The following FGFRL1 variants were observed in gnomAD, a reference collection of about 807,000 sequenced individuals.
The protein encoded by FGFRL1 is fibroblast growth factor receptor like 1.
Under a neutral mutation model 36.8 loss-of-function variants are expected in FGFRL1, and 24 were observed. The observed-to-expected ratio is 0.65, with a 90% CI of 0.47 to 0.92. The LOEUF (loss-of-function observed/expected upper bound fraction) is 0.92, where lower values mean the gene tolerates loss of function less well. Among genes scored for constraint, FGFRL1 ranks in the 40% least tolerant of loss-of-function variants. FGFRL1 has a pLI of 0.00. For missense variants in FGFRL1, 785 were observed against 753.4 expected (o/e 1.04, Z -0.49); for synonymous variants, 422 against 344.1 (o/e 1.23, Z -2.50).
At position 1,012,548 on chromosome 4, in the gene FGFRL1, GGCC is replaced by G. The variant is rs776508642; in HGVS notation, c.73_75del (p.Ala25del). 1.6e-5 allele frequency: 23 copies of G among 1,465,594 alleles called. No individual in the cohort carries two copies. In the Admixed American group the frequency reaches 2.8e-4, roughly 18 times the overall value. 90.8% of individuals were successfully genotyped at this position (1,465,594 alleles called of 1,614,324 possible). ...CGCTGCTGCTGGGGGCCTTCCCGCC[GGCC>G]GCCGCCGCCCGAGGTGAGTTCTGGC... On this transcript the variant is annotated inframe_deletion, in exon 2 of 7. Transcript: ENST00000510644.
intron 2 of FGFRL1, among the ~76,000 whole-genome samples, chr4:1,015,050 C>T: frequency 6.9e-5 from 1 of 14,550 alleles, no homozygotes; most frequent in South Asian, 1.3e-3. Context: ...GCCTCCAGCC[C>T]CTGGCTTGCC....
chr4:1,018,195 G>C (rs963185696), intron 2 of FGFRL1, among the ~76,000 whole-genome samples: 1 of 152,184 alleles, frequency 6.6e-6, no homozygotes, highest in Admixed American at 6.5e-5. Flanking sequence ...CCCAGGGCCT[G>C]CCCACCTCCA....
intron 2 of FGFRL1, among the ~76,000 whole-genome samples, chr4:1,018,638 CG>C (rs1716019347): frequency 6.6e-6 from 1 of 152,134 alleles, no homozygotes; most frequent in South Asian, 2.1e-4. Context: ...CATGCCCCGG[CG>C]GGGGTTCCCT....
Position 1,025,708 on chromosome 4 carries a change from A to C in FGFRL1, c.*361A>C. On this transcript the variant is annotated 3_prime_UTR_variant, in exon 7 of 7. Coordinates refer to ENST00000510644, the MANE Select transcript of FGFRL1 (RefSeq NM_001004356.3). The stretch of plus-strand genomic sequence containing the variant: ...TGCCTGAACATACACACGCACACCC[A>C]TGCGCAGATGTGCTGCCTGGACACA... 6 of 334,740 alleles carry C rather than the reference A, an allele frequency of 1.8e-5. No homozygotes were observed. Among genetic ancestry groups the C allele is most frequent in the Non-Finnish European group, 1.1e-5 (2 of 178,642 alleles). The allele number at this position is 334,740 out of a possible 1,614,324, so 20.7% of individuals were successfully genotyped here. A position where few individuals can be genotyped will look rare whatever the true frequency, so the allele number is the denominator to read the frequency against.
At chr4:1,018,560 G>C (rs1716014420) in intron 2 of FGFRL1, among the ~76,000 whole-genome samples, 1 of 152,204 alleles carries the variant, frequency 6.6e-6, no homozygotes, top group Admixed American at 6.5e-5. Flanking sequence ...CAGGGGCTGT[G>C]CTGGAGGAGG....
At chr4:1,021,458 CT>C (rs1026440498) in intron 2 of FGFRL1, among the ~76,000 whole-genome samples, 2 of 152,082 alleles carry the variant, frequency 1.3e-5, no homozygotes, top group African/African-American at 4.8e-5. Context: ...ACCCCAGGGC[CT>C]TGGGGTCATG....
At chr4:1,018,764 G>A (rs1389785882) in intron 2 of FGFRL1, among the ~76,000 whole-genome samples, 1 of 152,204 alleles carries the variant, frequency 6.6e-6, no homozygotes, top group African/African-American at 2.4e-5. Context: ...CGTCCAGGTG[G>A]CGTGGTGCCC....
rs563577326 is a variant in FGFRL1 at position 1,012,257 on chromosome 4, G to C, written c.-16-213G>C. On this transcript the variant is annotated intron_variant, in intron 1 of 6. Transcript: ENST00000510644. ...AGGAATCCAGACGGTGTTTGGAGAG[G>C]GGGGGCGGCGGGGGAGCCCGGTAAT... 5.5e-5 allele frequency: 28 copies of C among 505,354 alleles called. 1 individual carries two copies. The highest frequency in any genetic ancestry group is 5.2e-4 in the South Asian group (19 of 36,516). 31.3% of individuals were successfully genotyped at this position (505,354 alleles called of 1,614,324 possible).
chr4:1,024,670 C>G lies in FGFRL1; in HGVS notation c.1072+6C>G, dbSNP rs750989847. 6.3e-7 allele frequency: 1 copy of G among 1,589,454 alleles called. No homozygotes were observed. The highest frequency in any genetic ancestry group is 1.3e-5 in the African/African-American group (1 of 74,594). On this transcript the variant is annotated splice_donor_region_variant and intron_variant, in intron 6 of 6. Transcript: ENST00000510644. ...CTTCCTCACCGTGCTGCCAGGTGCG[C>G]GGCTGCCACGCCACGCCACACCATG...
At chr4:1,021,962 G>C (rs925049414) in intron 2 of FGFRL1, among the ~76,000 whole-genome samples, 1 of 152,230 alleles carries the variant, frequency 6.6e-6, no homozygotes, top group East Asian at 1.9e-4. Context: ...GGGCTGCCCC[G>C]GCCATGAGAG....
chr4:1,015,840 A>C (rs944899111), intron 2 of FGFRL1, among the ~76,000 whole-genome samples: 1 of 152,214 alleles, frequency 6.6e-6, no homozygotes, highest in Non-Finnish European at 1.5e-5. Context: ...CCCACCAGCC[A>C]GTGGCTTCAA....
chr4:1,023,736 A>G lies in FGFRL1; in HGVS notation c.433+15A>G. 1 of 1,433,058 alleles carries G rather than the reference A, an allele frequency of 7.0e-7. No individual in the cohort carries two copies. The highest frequency in any genetic ancestry group is 9.6e-7 in the Non-Finnish European group (1 of 1,043,088). The allele number at this position is 1,433,058 out of a possible 1,614,324, so 88.8% of individuals were successfully genotyped here. A position where few individuals can be genotyped will look rare whatever the true frequency, so the allele number is the denominator to read the frequency against. On this transcript the variant is annotated intron_variant, in intron 4 of 6. Coordinates refer to ENST00000510644, the MANE Select transcript of FGFRL1 (RefSeq NM_001004356.3). The surrounding 1 kb of genome is among the most constrained non-coding windows in gnomAD (Gnocchi z 6.0). Reference sequence around the variant, plus strand: ...CCAGCAGTGGGGTGAGCAGGGGGTGACGGGGGTGGGGGGCGTCCGTCTGTC... The same window carrying G: ...CCAGCAGTGGGGTGAGCAGGGGGTGGCGGGGGTGGGGGGCGTCCGTCTGTC...
rs766832234 is a variant in FGFRL1, at chr4:1,022,358, G to C, written c.235G>C (p.Val79Leu). 4 of 1,608,716 alleles carry C rather than the reference G, an allele frequency of 2.5e-6. No individual in the cohort carries two copies. Among genetic ancestry groups the C allele is most frequent in the East Asian group, 2.2e-5 (1 of 44,720 alleles). ...CCACAGCGGCTGGAGCCGCTTCCGCGTGCTGCCGCAGGGGCTGAAGGTGAA... is the reference window on the plus strand; with the variant it reads ...CCACAGCGGCTGGAGCCGCTTCCGCCTGCTGCCGCAGGGGCTGAAGGTGAA... ...TIHSGWSRFRVLPQGLKVKQV... is the reference protein window; with the variant it reads ...TIHSGWSRFRLLPQGLKVKQV... Residue 79 changes from valine (V) to leucine (L), a missense_variant, in exon 3 of 7, where the codon GTG (valine) becomes CTG (leucine). Transcript: ENST00000510644.
In FGFRL1 at chr4:1,024,533, G is replaced by T; in HGVS notation, c.941G>T (p.Arg314Leu). ...CTGCCCACGGGTGACGTGTGGTCGC[G>T]GCCCGACGGCTCCTACCTCAATAAG... ...VVLPTGDVWS[R>L]PDGSYLNKLL... The change falls in exon 6 of 7, where the codon CGG (arginine) becomes CTG (leucine). Residue 314 changes from arginine to leucine, a missense_variant. Transcript: ENST00000510644. 1 of 1,612,492 alleles carries T rather than the reference G, an allele frequency of 6.2e-7. No individual in the cohort carries two copies. Among genetic ancestry groups the T allele is most frequent in the Non-Finnish European group, 8.5e-7 (1 of 1,179,868 alleles).
At chr4:1,014,637 C>T (rs1015225720) in intron 2 of FGFRL1, among the ~76,000 whole-genome samples, 12 of 152,250 alleles carry the variant, frequency 7.9e-5, no homozygotes, top group South Asian at 2.1e-4. Flanking sequence ...GGTTGTGATT[C>T]GGGGAAGCAA....
Position 1,022,307 on chromosome 4 carries a change from A to G in FGFRL1, c.184A>G (p.Met62Val), listed in dbSNP as rs780591496. 1.3e-6 allele frequency: 2 copies of G among 1,598,470 alleles called. No individual in the cohort carries two copies. Among genetic ancestry groups the G allele is most frequent in the Admixed American group, 1.7e-5 (1 of 57,624 alleles). ...PVEGDPPPLT[M>V]WTKDGRTIHS... is the part of the protein sequence containing the mutation. ...GGAGGGGGACCCGCCGCCGCTGACC[A>G]TGTGGACCAAGGATGGCCGCACCAT... The change falls in exon 3 of 7, where the codon ATG becomes GTG. Residue 62 changes from methionine to valine, a missense_variant. By Grantham distance (21) the Met-to-Val change is conservative (BLOSUM62 1). Coordinates refer to ENST00000510644, the MANE Select transcript of FGFRL1 (RefSeq NM_001004356.3).
In FGFRL1 at chr4:1,022,188, C is replaced by T. The variant is rs780843316; in HGVS notation, c.80-15C>T. 3.4e-5 allele frequency: 51 copies of T among 1,502,272 alleles called. No individual in the cohort carries two copies. Among genetic ancestry groups the T allele is most frequent in the East Asian group, 1.2e-4 (5 of 41,580 alleles). 93.1% of individuals were successfully genotyped at this position (1,502,272 alleles called of 1,614,324 possible). A position where few individuals can be genotyped will look rare whatever the true frequency, so the allele number is the denominator to read the frequency against. On this transcript the variant is annotated splice_polypyrimidine_tract_variant and intron_variant, in intron 2 of 6. Coordinates refer to ENST00000510644, the MANE Select transcript of FGFRL1 (RefSeq NM_001004356.3). Reference sequence around the variant, plus strand: ...AAGCCCCTCCTCGCTGACTGTTCCTCGGTCCCACCCGCAGGCCCCCCAAAG... The same window carrying T: ...AAGCCCCTCCTCGCTGACTGTTCCTTGGTCCCACCCGCAGGCCCCCCAAAG...
At chr4:1,013,836 T>C (rs762000529) in intron 2 of FGFRL1, among the ~76,000 whole-genome samples, 1 of 152,244 alleles carries the variant, frequency 6.6e-6, no homozygotes, top group Non-Finnish European at 1.5e-5. Flanking sequence ...CGCCTCTTCG[T>C]GGAGACGCCC....
chr4:1,012,276 C>T (rs1156699481), intron 1 of FGFRL1, 194 bp from the exon 2 acceptor site: 4 of 517,560 alleles, frequency 7.7e-6, no homozygotes, highest in African/African-American at 2.1e-5. Flanking sequence ...CGGGGGAGCC[C>T]GGTAATTAGT....
Sources: allele counts gnomAD v4.1 joint callset (sites outside exome capture counted in the v4.1 genomes callset), GRCh38; gene constraint gnomAD v4.1.1; non-coding constraint Gnocchi (gnomAD v3.1); transcripts MANE v1.5; gene names NCBI Gene and HGNC (gene_info 2026-07-23, HGNC 2026-07-21).